Variants in CSMD3 observed in about 807,000 individuals in gnomAD.
CSMD3 encodes CUB and sushi domain-containing protein 3.
CSMD3 carries 177 observed loss-of-function variants against 435.2 expected under a neutral mutation model. The ratio of observed to expected loss-of-function variants is 0.41; its 90% confidence interval spans 0.36 to 0.46. The LOEUF is 0.46. Ranked by LOEUF, CSMD3 falls within the 20% of genes least tolerant of loss-of-function variation. The pLI is 0.34. For missense variants in CSMD3, 4,265 were observed against 4,504.6 expected (o/e 0.95, Z 1.52); for synonymous variants, 1,656 against 1,520.5 (o/e 1.09, Z -2.07).
At chr8:112,449,361 A>G (rs1323594176) in intron 32 of CSMD3, among the ~76,000 whole-genome samples, 1 of 152,198 alleles carries the variant, frequency 6.6e-6, no homozygotes, top group Non-Finnish European at 1.5e-5. Flanking sequence ...CATGAGATCT[A>G]GCATCAACAC....
intron 22 of CSMD3, among the ~76,000 whole-genome samples, chr8:112,597,766 C>T (rs1251037476): frequency 1.6e-5 from 2 of 127,840 alleles, no homozygotes; most frequent in African/African-American, 6.3e-5. Context: ...AAGACAAAAA[C>T]CACATGATTA....
chr8:112,902,408 G>C (rs1388457594), intron 10 of CSMD3, among the ~76,000 whole-genome samples: 2 of 151,274 alleles, frequency 1.3e-5, no homozygotes, highest in African/African-American at 4.8e-5. Flanking sequence ...ATCCAGCCCA[G>C]TCCCAAGGGC....
chr8:112,803,002 A>G (rs1012201155), intron 12 of CSMD3, among the ~76,000 whole-genome samples: 6 of 152,130 alleles, frequency 3.9e-5, no homozygotes, highest in Non-Finnish European at 7.4e-5. Flanking sequence ...TATCTCTGTC[A>G]TATTTGGAAT....
At chr8:112,851,633 G>A (rs1014121862) in intron 11 of CSMD3, among the ~76,000 whole-genome samples, 1 of 151,886 alleles carries the variant, frequency 6.6e-6, no homozygotes, top group Admixed American at 6.6e-5. Context: ...GTGTGGTGGC[G>A]TGTGCCTGTA....
intron 10 of CSMD3, among the ~76,000 whole-genome samples, chr8:112,900,139 T>C (rs1161223301): frequency 6.6e-6 from 1 of 151,230 alleles, no homozygotes; most frequent in Non-Finnish European, 1.5e-5. Flanking sequence ...AGGGCAGTCC[T>C]GACCCATGGA....
chr8:113,099,008 A>T (rs1307858920), intron 4 of CSMD3, 45 bp from the exon 5 acceptor site: 1 of 1,276,486 alleles, frequency 7.8e-7, no homozygotes, highest in Admixed American at 1.7e-5. Flanking sequence ...ATTGAGATAA[A>T]TGCAATTGTT....
intron 10 of CSMD3, among the ~76,000 whole-genome samples, chr8:112,885,374 A>G (rs2081561055): frequency 1.3e-5 from 2 of 151,394 alleles, no homozygotes; most frequent in Admixed American, 6.6e-5. Context: ...GTATATATAT[A>G]TATATACATA....
In CSMD3 at chr8:112,399,583, G is replaced by T. The variant is rs543179894; in HGVS notation, c.5809+6941C>A. 2.0e-5 allele frequency among the ~76,000 whole-genome samples: 3 copies of T among 152,148 alleles called. No homozygotes were observed. In the South Asian group the frequency reaches 6.2e-4, roughly 32 times the overall value. ...ATTTCCAATCAATTAACAATTCCAT[G>T]TTTAAATCATTGGCAGTCAAGAGAA... On this transcript the variant is annotated intron_variant, in intron 35 of 70. Coordinates refer to ENST00000297405, the MANE Select transcript of CSMD3 (RefSeq NM_198123.2).
At chr8:113,255,553 G>T (rs1047649131) in intron 3 of CSMD3, among the ~76,000 whole-genome samples, 3 of 151,960 alleles carry the variant, frequency 2.0e-5, no homozygotes, top group African/African-American at 7.2e-5. Flanking sequence ...ACTCTGAGTT[G>T]TACTACCCTG....
intron 13 of CSMD3, among the ~76,000 whole-genome samples, chr8:112,737,329 T>C (rs1172218941): frequency 6.6e-6 from 1 of 151,994 alleles, no homozygotes; most frequent in Admixed American, 6.6e-5. Flanking sequence ...TGGATGATGT[T>C]TGGAACAATC....
intron 2 of CSMD3, among the ~76,000 whole-genome samples, chr8:113,295,007 T>A (rs1298523916): frequency 1.8e-4 from 27 of 152,158 alleles, no homozygotes; most frequent in Non-Finnish European, 2.9e-5. Flanking sequence ...ATATCCTTAT[T>A]TTCCATAAAG....
At chr8:112,969,371 T>G (rs2130901923) in intron 7 of CSMD3, among the ~76,000 whole-genome samples, 1 of 152,092 alleles carries the variant, frequency 6.6e-6, no homozygotes, top group East Asian at 1.9e-4. Context: ...GAATAATAAA[T>G]AATGTACTTA....
chr8:112,233,589 T>A (rs1054055565), intron 68 of CSMD3, among the ~76,000 whole-genome samples: 1 of 152,174 alleles, frequency 6.6e-6, no homozygotes, highest in Non-Finnish European at 1.5e-5. Context: ...CTTGAACTTA[T>A]TGAAGGCTTA....
chr8:113,296,204 A>G (rs1054637267), intron 2 of CSMD3, among the ~76,000 whole-genome samples: 1 of 151,818 alleles, frequency 6.6e-6, no homozygotes, highest in Non-Finnish European at 1.5e-5. Flanking sequence ...GTAAATGACG[A>G]GTTAATGGGT....
chr8:112,554,201 G>A (rs1352760941), intron 25 of CSMD3, among the ~76,000 whole-genome samples: 1 of 151,800 alleles, frequency 6.6e-6, no homozygotes, highest in Non-Finnish European at 1.5e-5. Flanking sequence ...GAGAGAGAGA[G>A]ACAAAAGAGA....
chr8:112,876,018 C>T (rs2081271948), intron 10 of CSMD3, among the ~76,000 whole-genome samples: 1 of 152,050 alleles, frequency 6.6e-6, no homozygotes, highest in Non-Finnish European at 1.5e-5. Flanking sequence ...AATTTTCAAC[C>T]TTTTTGCATT....
chr8:112,563,734 A>G (rs1472969762), intron 24 of CSMD3, among the ~76,000 whole-genome samples: 1 of 152,058 alleles, frequency 6.6e-6, no homozygotes, highest in Non-Finnish European at 1.5e-5. Flanking sequence ...ACCAATTTAC[A>G]TTCCCCAAAG....
intron 13 of CSMD3, among the ~76,000 whole-genome samples, chr8:112,716,220 G>T (rs1242406427): frequency 6.6e-6 from 1 of 152,140 alleles, no homozygotes; most frequent in East Asian, 1.9e-4. Context: ...AAGCACTTCA[G>T]CAAAGTCTCA....
chr8:112,428,486 A>G (rs574546570), intron 32 of CSMD3, among the ~76,000 whole-genome samples: 1 of 152,266 alleles, frequency 6.6e-6, no homozygotes, highest in South Asian at 2.1e-4. Flanking sequence ...AACCAGGTTA[A>G]TATCCAATTA....
Sources: allele counts gnomAD v4.1 joint callset (sites outside exome capture counted in the v4.1 genomes callset), GRCh38; gene constraint gnomAD v4.1.1; transcripts MANE v1.5; gene names NCBI Gene and HGNC (gene_info 2026-07-23, HGNC 2026-07-21).